Variants in MCUB observed in about 807,000 individuals in gnomAD.
The protein encoded by MCUB is calcium uniporter regulatory subunit MCUb, mitochondrial.
A neutral mutation model predicts 41.4 loss-of-function variants in MCUB; 46 were observed. The observed-to-expected ratio is 1.11, with a 90% CI of 0.88 to 1.42. The LOEUF (loss-of-function observed/expected upper bound fraction) is 1.42. MCUB is among the 40% of genes most tolerant of loss of function. The pLI is 0.00. For synonymous variants in MCUB, 148 were observed against 148.2 expected, an observed-to-expected ratio of 1.00 and a Z score of 0.01; for missense variants, 403 against 404.9, an observed-to-expected ratio of 1.00 and a Z score of 0.04.
In MCUB at chr4:109,687,667, G is replaced by T; in HGVS notation, c.*75G>T. The T allele has an allele frequency of 1.2e-6, 1 of 850,530 alleles. No homozygotes were observed. The highest frequency in any genetic ancestry group is 2.0e-6 in the Non-Finnish European group (1 of 510,330). 52.7% of individuals were successfully genotyped at this position (850,530 alleles called of 1,614,324 possible). ...AACTTAGGATGTTTTTGAGTCCCAT[G>T]GTTCATTTTGATTGTTTAATCTTTG... On this transcript the variant is annotated 3_prime_UTR_variant, in exon 8 of 8. Transcript: ENST00000394650.
At chr4:109,664,024 G>C (rs1398050061) in intron 3 of MCUB, among the ~76,000 whole-genome samples, 3 of 152,192 alleles carry the variant, frequency 2.0e-5, no homozygotes, top group Admixed American at 6.5e-5. Context: ...GTTTCACCAA[G>C]GGCACTACCT....
At position 109,610,168 on chromosome 4, in the gene MCUB, G is replaced by A. The variant is rs1241201029; in HGVS notation, c.100-48843G>A. Among the ~76,000 whole-genome samples the A allele has an allele frequency of 2.0e-5, 3 of 152,164 alleles. No individual in the cohort carries two copies. In the East Asian group the frequency reaches 5.8e-4, roughly 29 times the overall value. On this transcript the variant is annotated intron_variant, in intron 1 of 7. Transcript: ENST00000394650. ...CCAGGCCTGAGACTCTACTCTTCAG[G>A]TAAGTGGGCTCGCCTCTGGCCTAGA...
intron 4 of MCUB, among the ~76,000 whole-genome samples, chr4:109,669,411 G>A (rs1191745487): frequency 6.6e-6 from 1 of 151,770 alleles, no homozygotes; most frequent in African/African-American, 2.4e-5. Context: ...CTATAGCTAA[G>A]GGTTCCCCCC....
At chr4:109,615,085 ACT>A (rs1728096236) in intron 1 of MCUB, among the ~76,000 whole-genome samples, 1 of 151,960 alleles carries the variant, frequency 6.6e-6, no homozygotes, top group South Asian at 2.1e-4. Context: ...TAGATTCCAA[ACT>A]CTCTTTTCTA....
chr4:109,564,215 C>A (rs1209228698), intron 1 of MCUB, among the ~76,000 whole-genome samples: 1 of 151,792 alleles, frequency 6.6e-6, no homozygotes, highest in African/African-American at 2.4e-5. Context: ...TCACTGCAAC[C>A]TCCGCCTCCC....
At chr4:109,659,953 G>A (rs943973269) in intron 2 of MCUB, among the ~76,000 whole-genome samples, 10 of 152,264 alleles carry the variant, frequency 6.6e-5, no homozygotes, top group South Asian at 4.1e-4. Context: ...CCACCATGCC[G>A]GCCACCTGGG....
chr4:109,664,764 G>A (rs1247142100), intron 4 of MCUB, among the ~76,000 whole-genome samples: 1 of 152,036 alleles, frequency 6.6e-6, no homozygotes, highest in African/African-American at 2.4e-5. Flanking sequence ...TTTCCAGCAG[G>A]GGTATAAGTG....
intron 1 of MCUB, among the ~76,000 whole-genome samples, chr4:109,630,151 T>C (rs1697247030): frequency 2.0e-5 from 2 of 102,224 alleles, no homozygotes; most frequent in South Asian, 5.9e-4. Context: ...CTGCTTTTTT[T>C]CTTTTTATCA....
intron 1 of MCUB, among the ~76,000 whole-genome samples, chr4:109,577,125 T>C (rs1727049913): frequency 6.6e-6 from 1 of 152,222 alleles, no homozygotes; most frequent in Admixed American, 6.5e-5. Flanking sequence ...GTGCTGGGAT[T>C]ACAGGCGTGA....
chr4:109,669,089 T>C (rs550713136), intron 4 of MCUB, among the ~76,000 whole-genome samples: 1 of 152,090 alleles, frequency 6.6e-6, no homozygotes, highest in African/African-American at 2.4e-5. Context: ...AAAATAAAGG[T>C]TTTTATTTTA....
chr4:109,581,562 C>A (rs1727175237), intron 1 of MCUB, among the ~76,000 whole-genome samples: 1 of 152,022 alleles, frequency 6.6e-6, no homozygotes, highest in African/African-American at 2.4e-5. Flanking sequence ...AGCTTCTGCA[C>A]AGCAAAAGAA....
intron 1 of MCUB, among the ~76,000 whole-genome samples, chr4:109,605,010 G>C (rs1202100361): frequency 6.6e-6 from 1 of 152,146 alleles, no homozygotes; most frequent in East Asian, 1.9e-4. Context: ...GTCTGGTTTT[G>C]GTATCAGGGT....
At chr4:109,641,340 G>A (rs946189745) in intron 1 of MCUB, among the ~76,000 whole-genome samples, 3 of 149,374 alleles carry the variant, frequency 2.0e-5, no homozygotes, top group Non-Finnish European at 4.4e-5. Context: ...TCCTGACCTC[G>A]TGATCCGCCT....
intron 1 of MCUB, among the ~76,000 whole-genome samples, chr4:109,600,908 C>T (rs188981822): frequency 5.3e-5 from 8 of 152,212 alleles, no homozygotes; most frequent in Admixed American, 5.2e-4. Flanking sequence ...GATTGTCCTG[C>T]CATAGCCTCC....
chr4:109,582,220 C>CT (rs1413885382), intron 1 of MCUB, among the ~76,000 whole-genome samples: 2 of 151,836 alleles, frequency 1.3e-5, no homozygotes, highest in African/African-American at 4.8e-5. Context: ...AGTTCATGTC[C>CT]TTTGTAGGGA....
intron 1 of MCUB, among the ~76,000 whole-genome samples, chr4:109,629,789 A>G (rs1006513223): frequency 2.0e-5 from 3 of 152,228 alleles, no homozygotes; most frequent in Non-Finnish European, 4.4e-5. Flanking sequence ...TATGTGTTCA[A>G]CTACCTGGAA....
intron 1 of MCUB, among the ~76,000 whole-genome samples, chr4:109,653,131 C>CTT (rs1328994995): frequency 3.9e-5 from 6 of 152,120 alleles, no homozygotes. Flanking sequence ...AATCCCAGCA[C>CTT]TTTGGGAGGC....
At chr4:109,572,677 ATTTAC>A (rs1579044130) in intron 1 of MCUB, among the ~76,000 whole-genome samples, 2 of 137,852 alleles carry the variant, frequency 1.5e-5, no homozygotes, top group East Asian at 1.9e-4. Context: ...AAGTCATGTT[ATTTAC>A]TTAATTACGT....
chr4:109,573,305 T>C (rs772263994), intron 1 of MCUB, among the ~76,000 whole-genome samples: 1 of 151,982 alleles, frequency 6.6e-6, no homozygotes, highest in Non-Finnish European at 1.5e-5. Context: ...ACAAAAAAAT[T>C]AGCCACGCGT....
Sources: allele counts gnomAD v4.1 joint callset (sites outside exome capture counted in the v4.1 genomes callset), GRCh38; gene constraint gnomAD v4.1.1; transcripts MANE v1.5; gene names NCBI Gene and HGNC (gene_info 2026-07-23, HGNC 2026-07-21).